RBM18: variants seen among roughly 807,000 people sequenced by gnomAD.
RBM18 encodes the protein probable RNA-binding protein 18.
Under a neutral mutation model 26.4 loss-of-function variants are expected in RBM18, and 18 were observed. The observed-to-expected ratio is 0.68, with a 90% confidence interval of 0.47 to 1.01. The LOEUF (loss-of-function observed/expected upper bound fraction) is 1.01, where lower values mean the gene tolerates loss of function less well. RBM18 is among the 50% of genes least tolerant of loss of function. The pLI is 0.00. For synonymous variants in RBM18, 74 were observed against 81.1 expected (o/e 0.91, Z 0.47); for missense variants, 180 against 219.2 (o/e 0.82, Z 1.13).
intron 2 of RBM18, among the ~76,000 whole-genome samples, chr9:122,253,212 G>C (rs566152511): frequency 6.6e-6 from 1 of 152,262 alleles, no homozygotes; most frequent in East Asian, 1.9e-4. Context: ...TTATTCTTGA[G>C]CAAGAATTTC....
chr9:122,261,258 G>A (rs547651113), intron 2 of RBM18, 122 bp downstream of exon 2: 51 of 681,604 alleles, frequency 7.5e-5, no homozygotes, highest in Non-Finnish European at 1.0e-4. Context: ...TTATCTCTCC[G>A]AAGACACGAT....
chr9:122,243,490 T>C (rs1374232778), intron 5 of RBM18, among the ~76,000 whole-genome samples: 1 of 152,176 alleles, frequency 6.6e-6, no homozygotes, highest in Non-Finnish European at 1.5e-5. Context: ...GAGGAGATCT[T>C]AGAGAAGTTG....
At chr9:122,257,571 G>C (rs1831718645) in intron 2 of RBM18, among the ~76,000 whole-genome samples, 1 of 152,146 alleles carries the variant, frequency 6.6e-6, no homozygotes, top group Non-Finnish European at 1.5e-5. Context: ...AGTGTAACTT[G>C]AGCAGGACTC....
rs1009519433 is a variant in RBM18 at position 122,239,546 on chromosome 9, A to G, written c.*2338T>C. ...ATTATAAGTGACATAATTTTAGCAA[A>G]CCAAAATAACCAGTAAACCAAAGAA... On this transcript the variant is annotated 3_prime_UTR_variant, in exon 6 of 6. Coordinates refer to ENST00000417201, the MANE Select transcript of RBM18 (RefSeq NM_033117.4). The G allele has an allele frequency of 4.2e-4, 64 of 152,354 alleles. 1 individual carries two copies. Among genetic ancestry groups the G allele is most frequent in the African/African-American group, 1.5e-3 (62 of 41,576 alleles). 9.4% of individuals were successfully genotyped at this position (152,354 alleles called of 1,614,324 possible).
intron 3 of RBM18, among the ~76,000 whole-genome samples, chr9:122,249,717 A>C (rs572260621): frequency 1.7e-4 from 26 of 151,950 alleles, no homozygotes; most frequent in African/African-American, 5.5e-4. Context: ...TCAAAAAAAA[A>C]AACAACAACA....
At position 122,261,369 on chromosome 9, in the gene RBM18, CTT is replaced by C; in HGVS notation, c.113+9_113+10del. On this transcript the variant is annotated intron_variant, in intron 2 of 5. Transcript: ENST00000417201. ...TATTGTAGGTAAAAAACTAAGGTAA[CTT>C]AGACTTACTCGGTAATTTTGGGGTC... 1 of 1,588,984 alleles carries C rather than the reference CTT, an allele frequency of 6.3e-7. No homozygotes were observed. Among genetic ancestry groups the C allele is most frequent in the Non-Finnish European group, 8.6e-7 (1 of 1,157,108 alleles).
rs1213748327 is a variant in RBM18, at chr9:122,264,730, T to C, written c.-32A>G. On this transcript the variant is annotated 5_prime_UTR_variant, in exon 1 of 6. Transcript: ENST00000417201. The stretch of plus-strand genomic sequence containing the variant: ...CCGAACTCACCTCGTGGCCTCGGCG[T>C]GGTGCTCTCAGCTCATGCCCGGAAA... 1.3e-5 allele frequency: 2 copies of C among 152,150 alleles called. No individual in the cohort carries two copies. The highest frequency in any genetic ancestry group is 2.9e-5 in the Non-Finnish European group (2 of 68,084). 9.4% of individuals were successfully genotyped at this position (152,150 alleles called of 1,614,324 possible).
At chr9:122,243,906 T>C (rs1831463627) in intron 5 of RBM18, 1 of 979,394 alleles carries the variant, frequency 1.0e-6, no homozygotes, top group Non-Finnish European at 1.2e-6. Flanking sequence ...TAGGCTATCT[T>C]GTAAACAAGT....
intron 3 of RBM18, among the ~76,000 whole-genome samples, chr9:122,249,450 C>T (rs1442552457): frequency 2.6e-5 from 4 of 152,136 alleles, no homozygotes; most frequent in Admixed American, 1.3e-4. Context: ...TGGTGGCTCA[C>T]GCCTGTAATT....
chr9:122,241,972 G>A lies in RBM18; in HGVS notation c.485C>T (p.Pro162Leu), dbSNP rs1186644748. The change falls in exon 6 of 6, where the codon CCA becomes CTA. Residue 162 changes from proline (P) to leucine (L), a missense_variant. Around this residue, in one of 3 missense-constraint regions of RBM18, gnomAD observed 103 missense variants for 102.8 expected, o/e 1.00. Transcript: ENST00000417201. ...AAAGTAGGAATAAACAGGCGCTGCT[G>A]GATACTCTGCATCAGGATTTTCCGC... Reference protein sequence around the residue: ...MMAENPDAEYPAAPVYSYFKP... With the variant: ...MMAENPDAEYLAAPVYSYFKP... 1.2e-6 allele frequency: 2 copies of A among 1,614,006 alleles called. No homozygotes were observed. The highest frequency in any genetic ancestry group is 1.7e-6 in the Non-Finnish European group (2 of 1,179,970).
intron 3 of RBM18, among the ~76,000 whole-genome samples, chr9:122,251,075 T>C (rs1831595924): frequency 6.6e-6 from 1 of 151,898 alleles, no homozygotes; most frequent in Non-Finnish European, 1.5e-5. Context: ...AGGTGCACCA[T>C]CACACATAAT....
At chr9:122,247,694 T>C in intron 3 of RBM18, 90 bp from the exon 4 acceptor site, 1 of 960,536 alleles carries the variant, frequency 1.0e-6, no homozygotes, top group East Asian at 2.5e-5. Flanking sequence ...CTTTGATGGC[T>C]GAGTTTCTAA....
intron 3 of RBM18, among the ~76,000 whole-genome samples, chr9:122,248,414 G>A (rs1831541071): frequency 6.6e-6 from 1 of 152,074 alleles, no homozygotes; most frequent in African/African-American, 2.4e-5. Flanking sequence ...CAAGGGCCCT[G>A]GAACCATATC....
At chr9:122,248,525 A>G (rs981553672) in intron 3 of RBM18, among the ~76,000 whole-genome samples, 7 of 152,234 alleles carry the variant, frequency 4.6e-5, no homozygotes, top group African/African-American at 1.7e-4. Context: ...AGTGAGTCAA[A>G]GAGACCGTTA....
chr9:122,250,195 T>C (rs755067655), intron 3 of RBM18, among the ~76,000 whole-genome samples: 19 of 149,492 alleles, frequency 1.3e-4, no homozygotes, highest in Non-Finnish European at 2.5e-4. Context: ...TTAGAGGAAA[T>C]AAAAAATACC....
In RBM18 at chr9:122,254,067, C is replaced by A. The variant is rs200013853; in HGVS notation, c.114-2094G>T. Among the ~76,000 whole-genome samples the A allele has an allele frequency of 5.0e-3, 743 of 148,004 alleles. 17 individuals are homozygous for A. Among genetic ancestry groups the A allele is most frequent in the East Asian group, 0.047 (233 of 5,004 alleles). On this transcript the variant is annotated intron_variant, in intron 2 of 5. Transcript: ENST00000417201. ...AAAAAAACCCACAAAAACACACACA[C>A]ACAAAAAAAACAAAAAAGACAATCT... is the stretch of plus-strand genomic sequence containing the variant.
chr9:122,245,492 C>T, intron 4 of RBM18, 151 bp from the exon 5 acceptor site: 1 of 507,320 alleles, frequency 2.0e-6, no homozygotes. Flanking sequence ...TAATGAAAAA[C>T]TTCACATGGT....
intron 1 of RBM18, 116 bp from the exon 2 acceptor site, chr9:122,261,624 C>G: frequency 7.3e-6 from 5 of 682,328 alleles, no homozygotes; most frequent in Non-Finnish European, 1.3e-5. Context: ...GGCAGTCCTT[C>G]AAAGGCCTCA....
intron 1 of RBM18, 155 bp downstream of exon 1, chr9:122,264,560 C>G (rs745598158): frequency 4.6e-5 from 7 of 152,330 alleles, no homozygotes; most frequent in Non-Finnish European, 8.8e-5. Flanking sequence ...CGAATTCCTA[C>G]AGGCGAAGGG....
Sources: allele counts gnomAD v4.1 joint callset (sites outside exome capture counted in the v4.1 genomes callset), GRCh38; gene constraint gnomAD v4.1.1; regional missense constraint gnomAD v4.1.1; transcripts MANE v1.5; gene names NCBI Gene and HGNC (gene_info 2026-07-23, HGNC 2026-07-21).